Variants in INPP4B observed in about 807,000 individuals in gnomAD.
The protein encoded by INPP4B is inositol polyphosphate 4-phosphatase type II.
INPP4B carries 55 observed loss-of-function variants against 122.5 expected under a neutral mutation model. The ratio of observed to expected loss-of-function variants is 0.45; its 90% CI spans 0.36 to 0.56. The LOEUF is 0.56. INPP4B is among the 20% of genes least tolerant of loss of function. The probability of loss-of-function intolerance (pLI) is 0.00; values close to 1 mark genes in which losing one functional copy is unlikely to be tolerated. For synonymous variants in INPP4B, 403 were observed against 388.7 expected (o/e 1.04, Z -0.43); for missense variants, 1,000 against 1,097.7 (o/e 0.91, Z 1.26).
chr4:142,612,153 T>A (rs1742679388), intron 2 of INPP4B, among the ~76,000 whole-genome samples: 1 of 151,454 alleles, frequency 6.6e-6, no homozygotes, highest in South Asian at 2.1e-4. Flanking sequence ...AGGAGAGGAG[T>A]GTTTGCTGGT....
chr4:142,060,205 C>T (rs560891721), intron 25 of INPP4B, among the ~76,000 whole-genome samples: 1 of 152,140 alleles, frequency 6.6e-6, no homozygotes, highest in East Asian at 1.9e-4. Flanking sequence ...AGCCCAAAAC[C>T]ATTTATTAAT....
At chr4:142,175,705 G>A (rs1234630903) in intron 15 of INPP4B, among the ~76,000 whole-genome samples, 1 of 152,092 alleles carries the variant, frequency 6.6e-6, no homozygotes, top group Non-Finnish European at 1.5e-5. Context: ...TTGAGTGGTT[G>A]AGACAGATCT....
chr4:142,371,011 C>T (rs1322262334), intron 7 of INPP4B, among the ~76,000 whole-genome samples: 1 of 152,010 alleles, frequency 6.6e-6, no homozygotes, highest in Admixed American at 6.6e-5. Flanking sequence ...GCTGAAGGCA[C>T]CACACTACCT....
Position 142,116,066 on chromosome 4 carries a change from A to C in INPP4B, c.2136-3384T>G, listed in dbSNP as rs962079951. 2.0e-5 allele frequency among the ~76,000 whole-genome samples: 3 copies of C among 152,238 alleles called. No individual in the cohort carries two copies. In the South Asian group the frequency reaches 6.2e-4, roughly 32 times the overall value. ...AACAAAGATCAGAAGAGACAAAGAA[A>C]GCCATTACATAATGGTAAAGGGATC... On this transcript the variant is annotated intron_variant, in intron 21 of 25. Transcript: ENST00000262992.
intron 2 of INPP4B, among the ~76,000 whole-genome samples, chr4:142,520,102 T>A (rs1460655405): frequency 1.3e-5 from 2 of 152,208 alleles, no homozygotes; most frequent in Admixed American, 1.3e-4. Flanking sequence ...AAATTATATT[T>A]CTGCAAAGCA....
chr4:142,393,992 C>G (rs1295535560), intron 7 of INPP4B, among the ~76,000 whole-genome samples: 1 of 152,206 alleles, frequency 6.6e-6, no homozygotes. Context: ...TTTCCTTTAA[C>G]AATACCCAGA....
intron 2 of INPP4B, among the ~76,000 whole-genome samples, chr4:142,482,297 A>AT (rs1560708221): frequency 6.6e-6 from 1 of 152,184 alleles, no homozygotes; most frequent in Non-Finnish European, 1.5e-5. Flanking sequence ...TGGTAAGCCC[A>AT]TAACAGTGAA....
chr4:142,583,470 G>A (rs954548124), intron 2 of INPP4B: 4 of 152,102 alleles, frequency 2.6e-5, no homozygotes, highest in Non-Finnish European at 2.9e-5. Context: ...CCAGGCCATG[G>A]AGCTGAATGG....
At chr4:142,384,006 C>T (rs958424820) in intron 7 of INPP4B, 2 of 687,726 alleles carry the variant, frequency 2.9e-6, no homozygotes, top group African/African-American at 3.5e-5. Context: ...TTGCACTTGG[C>T]CAACCATCCT....
intron 1 of INPP4B, among the ~76,000 whole-genome samples, chr4:142,734,140 C>G (rs1281941297): frequency 1.3e-5 from 2 of 152,036 alleles, no homozygotes; most frequent in African/African-American, 2.4e-5. Context: ...GAGTGGTGCT[C>G]TAATCTCATA....
At chr4:142,568,048 G>A (rs927779795) in intron 2 of INPP4B, among the ~76,000 whole-genome samples, 2 of 152,082 alleles carry the variant, frequency 1.3e-5, no homozygotes, top group African/African-American at 4.8e-5. Flanking sequence ...AGCTAAACTG[G>A]GAGAGACTGT....
At chr4:142,338,098 C>T (rs546877656) in intron 7 of INPP4B, among the ~76,000 whole-genome samples, 2 of 152,184 alleles carry the variant, frequency 1.3e-5, no homozygotes, top group African/African-American at 2.4e-5. Context: ...TTTTAATACT[C>T]TTGGTATGTG....
intron 1 of INPP4B, among the ~76,000 whole-genome samples, chr4:142,805,703 A>G (rs899942773): frequency 1.3e-5 from 2 of 152,204 alleles, no homozygotes; most frequent in African/African-American, 4.8e-5. Context: ...TTTCTTAAGG[A>G]CATTTTATTT....
intron 2 of INPP4B, among the ~76,000 whole-genome samples, chr4:142,474,748 C>A (rs527509392): frequency 6.6e-6 from 1 of 152,262 alleles, no homozygotes; most frequent in South Asian, 2.1e-4. Context: ...GCACAGCCAC[C>A]TGTTGTCTGG....
chr4:142,470,439 A>G (rs1389964488), intron 2 of INPP4B, among the ~76,000 whole-genome samples: 1 of 152,196 alleles, frequency 6.6e-6, no homozygotes, highest in Non-Finnish European at 1.5e-5. Flanking sequence ...CTATTTTGAG[A>G]TTGCTTTGAA....
At chr4:142,700,584 A>G (rs1422221873) in intron 2 of INPP4B, among the ~76,000 whole-genome samples, 1 of 152,206 alleles carries the variant, frequency 6.6e-6, no homozygotes, top group Non-Finnish European at 1.5e-5. Context: ...TTTGGGAAAG[A>G]AAAGAGCAAT....
chr4:142,114,289 G>T (rs1791805707), intron 21 of INPP4B, among the ~76,000 whole-genome samples: 2 of 151,986 alleles, frequency 1.3e-5, no homozygotes, highest in Non-Finnish European at 2.9e-5. Context: ...TTGAGCCGTG[G>T]TATGGAGATA....
chr4:142,265,044 C>T (rs1300621258), intron 10 of INPP4B, among the ~76,000 whole-genome samples: 1 of 151,966 alleles, frequency 6.6e-6, no homozygotes, highest in Non-Finnish European at 1.5e-5. Context: ...GATAGACCAT[C>T]TGAGAAGGTA....
rs138279038 is a variant in INPP4B, at chr4:142,530,506, T to C, written c.-190-67780A>G. On this transcript the variant is annotated intron_variant, in intron 2 of 25. Transcript: ENST00000262992. ...AATGGAATAAACTAGTAAACAAATA[T>C]ACATGCATATATTAGGAGAGTGATA... 1.4e-3 allele frequency among the ~76,000 whole-genome samples: 216 copies of C among 151,066 alleles called. 1 individual carries two copies. The highest frequency in any genetic ancestry group is 2.5e-3 in the Non-Finnish European group (167 of 67,882).
Sources: allele counts gnomAD v4.1 joint callset (sites outside exome capture counted in the v4.1 genomes callset), GRCh38; gene constraint gnomAD v4.1.1; transcripts MANE v1.5; gene names NCBI Gene and HGNC (gene_info 2026-07-23, HGNC 2026-07-21).